RTL4: variants seen among roughly 807,000 people sequenced by gnomAD.
RTL4 encodes the protein retrotransposon Gag-like protein 4.
Under a neutral mutation model 5.3 loss-of-function variants are expected in RTL4, and 4 were observed. That is an observed-to-expected ratio of 0.75 (90% CI 0.37 to 1.72). The LOEUF is 1.72. Ranked by LOEUF, RTL4 falls within the 40% of genes most tolerant of loss-of-function variation. The pLI, the probability that RTL4 is intolerant of heterozygous loss-of-function variation, is 0.04. For synonymous variants in RTL4, 98 were observed against 87.3 expected, an observed-to-expected ratio of 1.12 and a Z score of -0.68; for missense variants, 260 against 227.1, an observed-to-expected ratio of 1.14 and a Z score of -0.93.
chrX:112,254,617 G>A, the RTL4 span, among the ~76,000 whole-genome samples: 2 of 110,644 alleles, frequency 1.8e-5, no homozygotes, highest in African/African-American at 6.6e-5. Flanking sequence ...GTGAGCCACC[G>A]CGCCTGGCCA....
At chrX:112,235,552 C>T in the RTL4 span, among the ~76,000 whole-genome samples, 1 of 112,216 alleles carries the variant, frequency 8.9e-6, no homozygotes, top group East Asian at 2.8e-4. Flanking sequence ...GACTACACAG[C>T]ATCTGGTGGG....
the RTL4 span, among the ~76,000 whole-genome samples, chrX:112,136,897 C>T: frequency 8.9e-6 from 1 of 111,814 alleles, no homozygotes; most frequent in Non-Finnish European, 1.9e-5. Context: ...AGACCTGAAA[C>T]TGTAAAAGTT....
At chrX:112,113,082 C>G in the RTL4 span, among the ~76,000 whole-genome samples, 1 of 111,755 alleles carries the variant, frequency 8.9e-6, no homozygotes, top group African/African-American at 3.3e-5. Flanking sequence ...TCTTACAAAG[C>G]CTTGAACTTT....
chrX:112,408,021 A>G, the RTL4 span, among the ~76,000 whole-genome samples: 1 of 111,943 alleles, frequency 8.9e-6, no homozygotes, highest in Non-Finnish European at 1.9e-5. Flanking sequence ...AGCCTTCCCA[A>G]GAAGGATGGG....
chrX:112,397,352 T>C, the RTL4 span, among the ~76,000 whole-genome samples: 3 of 112,263 alleles, frequency 2.7e-5, no homozygotes, highest in Non-Finnish European at 5.6e-5. Context: ...TTATTTGTTC[T>C]TTATTTTTAT....
At chrX:112,449,478 G>A in the RTL4 span, among the ~76,000 whole-genome samples, 1 of 111,573 alleles carries the variant, frequency 9.0e-6, no homozygotes, top group Non-Finnish European at 1.9e-5. Context: ...ACCTTTTGAG[G>A]GTATTCAACC....
At chrX:112,320,129 A>C in the RTL4 span, 2 of 111,669 alleles carry the variant, frequency 1.8e-5, no homozygotes, top group Non-Finnish European at 3.8e-5. Flanking sequence ...TATATGAGGG[A>C]TATAGAATAG....
At chrX:112,228,549 C>T in the RTL4 span, among the ~76,000 whole-genome samples, 1 of 112,205 alleles carries the variant, frequency 8.9e-6, no homozygotes, top group East Asian at 2.8e-4. Flanking sequence ...GTGGTGAGAA[C>T]ACTTAAAATT....
the RTL4 span, among the ~76,000 whole-genome samples, chrX:112,393,681 G>A: frequency 8.9e-6 from 1 of 112,256 alleles, no homozygotes. Context: ...GAATGGCTAA[G>A]TCAGCCAAAC....
chrX:112,213,249 T>G, the RTL4 span, among the ~76,000 whole-genome samples: 17 of 113,119 alleles, frequency 1.5e-4, no homozygotes, highest in African/African-American at 5.4e-4. Context: ...ATAATGTTGT[T>G]GGCTCTTCAT....
At chrX:112,412,055 C>T in the RTL4 span, among the ~76,000 whole-genome samples, 1 of 108,920 alleles carries the variant, frequency 9.2e-6, no homozygotes, top group East Asian at 2.9e-4. Context: ...TTCTATATGC[C>T]AACAGTGAAC....
the RTL4 span, among the ~76,000 whole-genome samples, chrX:112,181,492 G>C: frequency 9.1e-6 from 1 of 110,039 alleles, no homozygotes; most frequent in African/African-American, 3.3e-5. Context: ...AAGCTTGGTG[G>C]GGGGAAGGGG....
At chrX:112,119,139 C>T in the RTL4 span, among the ~76,000 whole-genome samples, 2 of 109,696 alleles carry the variant, frequency 1.8e-5, no homozygotes, top group Admixed American at 9.8e-5. Context: ...ATTACAGACC[C>T]ATTTTGTACT....
the RTL4 span, among the ~76,000 whole-genome samples, chrX:112,220,661 C>T: frequency 8.9e-6 from 1 of 112,404 alleles, no homozygotes; most frequent in South Asian, 3.7e-4. Context: ...TCCTTTTAAA[C>T]ATAAGTTCCA....
chrX:112,432,494 T>A, the RTL4 span, among the ~76,000 whole-genome samples: 1 of 103,727 alleles, frequency 9.6e-6, no homozygotes, highest in Non-Finnish European at 2.0e-5. Context: ...ATGGTGAGCA[T>A]TTTTTCTTGT....
the RTL4 span, among the ~76,000 whole-genome samples, chrX:112,163,327 T>C: frequency 8.9e-6 from 1 of 112,088 alleles, no homozygotes; most frequent in East Asian, 2.8e-4. Context: ...AGCAGTCCTG[T>C]GTACCTTTGG....
chrX:112,328,868 T>A, the RTL4 span, among the ~76,000 whole-genome samples: 1 of 111,662 alleles, frequency 9.0e-6, no homozygotes, highest in Non-Finnish European at 1.9e-5. Context: ...TCAAAACTGC[T>A]CAACTACATG....
the RTL4 span, among the ~76,000 whole-genome samples, chrX:112,369,595 AC>A: frequency 8.9e-6 from 1 of 111,776 alleles, no homozygotes; most frequent in Non-Finnish European, 1.9e-5. Flanking sequence ...GGAAAAAGGA[AC>A]CCCTGAGTTT....
the RTL4 span, among the ~76,000 whole-genome samples, chrX:112,244,633 C>T: frequency 9.0e-6 from 1 of 111,616 alleles, no homozygotes; most frequent in Admixed American, 9.5e-5. Context: ...ACTGATGGGT[C>T]TTGACTCTTT....
Sources: gnomAD v4.1 joint callset for allele counts (sites outside exome capture counted in the v4.1 genomes callset) on GRCh38, gnomAD v4.1.1 for gene constraint, MANE v1.5 for transcripts, NCBI Gene and HGNC (gene_info 2026-07-23, HGNC 2026-07-21) for gene names.